Variants in EML6 observed in about 807,000 individuals in gnomAD.
The protein encoded by EML6 is EMAP like 6, also known as echinoderm microtubule-associated protein-like 6.
A neutral mutation model predicts 240.1 loss-of-function variants in EML6; 154 were observed. That is an observed-to-expected ratio of 0.64 (90% CI 0.56 to 0.73). EML6 has a LOEUF of 0.73. EML6 is among the 30% of genes least tolerant of loss of function. The pLI is 0.00. For synonymous variants in EML6, 1,148 were observed against 899.0 expected (o/e 1.28, Z -4.95); for missense variants, 2,964 against 2,474.6 (o/e 1.20, Z -4.20).
At chr2:54,871,943 C>T (rs2103923418) in intron 16 of EML6, among the ~76,000 whole-genome samples, 2 of 152,326 alleles carry the variant, frequency 1.3e-5, no homozygotes, top group Middle Eastern at 3.4e-3. Flanking sequence ...TTGCTGTTGA[C>T]TTAGTCGCAA....
At chr2:54,912,306 A>G (rs1673683691) in intron 25 of EML6, among the ~76,000 whole-genome samples, 1 of 152,166 alleles carries the variant, frequency 6.6e-6, no homozygotes, top group African/African-American at 2.4e-5. Context: ...ACTTTTTTAT[A>G]TGGAGAAACT....
chr2:54,806,460 GA>G (rs931809213), intron 2 of EML6, among the ~76,000 whole-genome samples: 7 of 151,610 alleles, frequency 4.6e-5, no homozygotes, highest in Admixed American at 3.3e-4. Flanking sequence ...TAAAAATATA[GA>G]AAATAGCTGG....
chr2:54,824,292 G>A (rs984585490), intron 5 of EML6, among the ~76,000 whole-genome samples: 3 of 152,070 alleles, frequency 2.0e-5, no homozygotes, highest in Admixed American at 2.0e-4. Context: ...AATTGTCTTA[G>A]CAGACTTGGA....
chr2:54,911,020 G>A lies in EML6; in HGVS notation c.3476G>A (p.Arg1159Gln), dbSNP rs760127745. The part of the protein sequence containing the change: ...QLFFEAPRGK[R>Q]HIIRPSEIEK... ...TTTTTTGAAGCTCCAAGAGGCAAAC[G>A]GCATATAATAAGACCTTCAGAGGTA... The change falls in exon 25 of 42, where the codon CGG becomes CAG. Residue 1159 changes from arginine to glutamine, a missense_variant. Coordinates refer to ENST00000356458, the MANE Select transcript of EML6 (RefSeq NM_001039753.4). 5.9e-6 allele frequency: 9 copies of A among 1,532,094 alleles called. No homozygotes were observed. The African/African-American group carries it at 8.3e-5, about 14-fold the overall frequency. The allele number at this position is 1,532,094 out of a possible 1,614,324, so 94.9% of individuals were successfully genotyped here.
chr2:54,785,105 A>G (rs1669019442), intron 2 of EML6, among the ~76,000 whole-genome samples: 2 of 150,036 alleles, frequency 1.3e-5, no homozygotes, highest in Admixed American at 1.3e-4. Context: ...GGTTTATAGT[A>G]TTGCACTAAA....
intron 7 of EML6, among the ~76,000 whole-genome samples, chr2:54,835,721 A>G (rs1213657317): frequency 6.6e-6 from 1 of 151,880 alleles, no homozygotes; most frequent in African/African-American, 2.4e-5. Context: ...GATTTTTTGG[A>G]CATTTGGCAG....
At chr2:54,731,232 T>G (rs1323677728) in intron 2 of EML6, among the ~76,000 whole-genome samples, 1 of 152,190 alleles carries the variant, frequency 6.6e-6, no homozygotes, top group Non-Finnish European at 1.5e-5. Context: ...CTCATCCAGG[T>G]CATTAATGCC....
At chr2:54,816,124 C>G (rs995622863) in intron 3 of EML6, among the ~76,000 whole-genome samples, 2 of 152,170 alleles carry the variant, frequency 1.3e-5, no homozygotes, top group South Asian at 2.1e-4. Context: ...AAGTGATATC[C>G]TGCAAGAAAC....
At chr2:54,833,853 G>T (rs1221507678) in intron 7 of EML6, among the ~76,000 whole-genome samples, 1 of 152,168 alleles carries the variant, frequency 6.6e-6, no homozygotes, top group Non-Finnish European at 1.5e-5. Flanking sequence ...AAAGCCAAAA[G>T]GTTCAGAATA....
intron 2 of EML6, among the ~76,000 whole-genome samples, chr2:54,741,826 G>A (rs1157471159): frequency 1.3e-5 from 2 of 152,148 alleles, no homozygotes; most frequent in African/African-American, 2.4e-5. Flanking sequence ...AACTCAATGG[G>A]GAGAAGGCAA....
rs972539073 is a variant in EML6 at position 54,953,997 on chromosome 2, A to G, written c.4327A>G (p.Ile1443Val). 9.0e-6 allele frequency: 14 copies of G among 1,550,808 alleles called. No individual in the cohort carries two copies. The highest frequency in any genetic ancestry group is 1.2e-5 in the Non-Finnish European group (14 of 1,146,552). ...ATSQIGTTPS[I>V]HIWDAMTKHT... ...TCCACACTCAGGGACAACACCTTCC[A>G]TCCACATATGGGACGCCATGACCAA... Residue 1443 changes from isoleucine (I) to valine (V), a missense_variant, in exon 32 of 42, where the codon ATC becomes GTC. Physicochemically the swap from Ile to Val is conservative, Grantham distance 29. Coordinates refer to ENST00000356458, the MANE Select transcript of EML6 (RefSeq NM_001039753.4).
intron 16 of EML6, among the ~76,000 whole-genome samples, chr2:54,876,453 A>G (rs1671512143): frequency 6.6e-6 from 1 of 152,204 alleles, no homozygotes; most frequent in African/African-American, 2.4e-5. Context: ...CAGTGAGGAT[A>G]AGCTGACAGG....
At chr2:54,821,625 C>G (rs932966584) in intron 5 of EML6, among the ~76,000 whole-genome samples, 2 of 151,998 alleles carry the variant, frequency 1.3e-5, no homozygotes, top group African/African-American at 4.8e-5. Context: ...ATATGTACCA[C>G]TATTTACTAA....
At chr2:54,957,747 A>C (rs1357008864) in intron 32 of EML6, 43 bp from the exon 33 acceptor site, 1 of 1,537,330 alleles carries the variant, frequency 6.5e-7, no homozygotes, top group Admixed American at 2.0e-5. Context: ...GGCCTGGCCC[A>C]TGAAGCAATG....
chr2:54,960,584 G>T, intron 35 of EML6, among the ~76,000 whole-genome samples: 1 of 152,038 alleles, frequency 6.6e-6, no homozygotes, highest in East Asian at 1.9e-4. Flanking sequence ...TTTTTGTGAG[G>T]GTCACATATT....
chr2:54,761,526 TA>T (rs1667982279), intron 2 of EML6, among the ~76,000 whole-genome samples: 1 of 152,150 alleles, frequency 6.6e-6, no homozygotes, highest in South Asian at 2.1e-4. Context: ...GTTGATCATT[TA>T]AAAAATCACA....
intron 41 of EML6, 72 bp from the exon 42 acceptor site, chr2:54,969,999 G>C: frequency 6.7e-7 from 1 of 1,503,376 alleles, no homozygotes; most frequent in Non-Finnish European, 9.1e-7. Flanking sequence ...CACTTGGCAA[G>C]ATTGTTTTTT....
intron 2 of EML6, among the ~76,000 whole-genome samples, chr2:54,735,744 A>G (rs1363783745): frequency 3.3e-5 from 5 of 152,228 alleles, no homozygotes; most frequent in East Asian, 1.9e-4. Context: ...ATCCCTTTCA[A>G]TGTAAGAAAT....
chr2:54,935,632 A>G (rs945418769), intron 28 of EML6, among the ~76,000 whole-genome samples: 1 of 152,204 alleles, frequency 6.6e-6, no homozygotes, highest in Admixed American at 6.5e-5. Context: ...CAACTTTTAA[A>G]ATACATTCAT....
Sources: gnomAD v4.1 joint callset for allele counts (sites outside exome capture counted in the v4.1 genomes callset) on GRCh38, gnomAD v4.1.1 for gene constraint, MANE v1.5 for transcripts, NCBI Gene and HGNC (gene_info 2026-07-23, HGNC 2026-07-21) for gene names.